The following CHD1L variants were observed in gnomAD, a reference collection of about 807,000 sequenced individuals.
The protein encoded by CHD1L is ATP-dependent chromatin remodeler CHD1L.
CHD1L carries 118 observed loss-of-function variants against 115.9 expected under a neutral mutation model. The observed-to-expected ratio is 1.02, with a 90% CI of 0.88 to 1.19. The LOEUF (loss-of-function observed/expected upper bound fraction) is 1.19, where lower values mean the gene tolerates loss of function less well. Ranked by LOEUF, CHD1L falls within the 50% of genes most tolerant of loss-of-function variation. CHD1L has a pLI of 0.00. For synonymous variants in CHD1L, 411 were observed against 387.1 expected, an observed-to-expected ratio of 1.06 and a Z score of -0.72; for missense variants, 1,179 against 1,065.3, an observed-to-expected ratio of 1.11 and a Z score of -1.49.
the CHD1L span, among the ~76,000 whole-genome samples, chr1:147,228,138 TC>T: frequency 6.6e-6 from 1 of 152,090 alleles, no homozygotes; most frequent in Admixed American, 6.5e-5. Context: ...TAGGTATATC[TC>T]CTAATGCTAT....
intron 12 of CHD1L, among the ~76,000 whole-genome samples, chr1:147,272,693 T>C (rs1177843413): frequency 6.6e-6 from 1 of 152,186 alleles, no homozygotes; most frequent in Non-Finnish European, 1.5e-5. Flanking sequence ...GCTGAAAAGC[T>C]TAACAAAAAT....
the CHD1L span, chr1:147,213,378 A>T: frequency 1.2e-6 from 2 of 1,613,816 alleles, no homozygotes; most frequent in South Asian, 1.1e-5. Flanking sequence ...CATCAAAGAC[A>T]TTCATCTCCT....
the CHD1L span, among the ~76,000 whole-genome samples, chr1:147,194,787 G>A: frequency 6.6e-6 from 1 of 151,930 alleles, no homozygotes; most frequent in African/African-American, 2.4e-5. Flanking sequence ...GGCTGGATAT[G>A]AAATTCTGGG....
the CHD1L span, chr1:147,215,841 A>G: frequency 6.2e-7 from 1 of 1,613,810 alleles, no homozygotes; most frequent in Non-Finnish European, 8.5e-7. Flanking sequence ...TGAAGTTGGG[A>G]TAATGATCTG....
intron 18 of CHD1L, 111 bp from the exon 19 acceptor site, chr1:147,287,524 T>C (rs1683666976): frequency 1.4e-6 from 1 of 699,222 alleles, no homozygotes; most frequent in Non-Finnish European, 2.4e-6. Flanking sequence ...TTTTGTTTCT[T>C]CCCTTTGAAA....
the CHD1L span, chr1:147,216,010 C>A: frequency 7.9e-6 from 10 of 1,273,176 alleles, no homozygotes; most frequent in Non-Finnish European, 1.1e-5. Context: ...AGCCAATAGA[C>A]ATCTGAAAAA....
chr1:147,256,711 T>G, intron 5 of CHD1L, 149 bp downstream of exon 5: 1 of 689,502 alleles, frequency 1.5e-6, no homozygotes, highest in Non-Finnish European at 2.5e-6. Flanking sequence ...GTGGGAGTCC[T>G]GTGTTTACAG....
chr1:147,278,983 G>A (rs1325884641), intron 14 of CHD1L, among the ~76,000 whole-genome samples: 3 of 152,156 alleles, frequency 2.0e-5, no homozygotes, highest in African/African-American at 7.2e-5. Flanking sequence ...GTGAGCATAA[G>A]TACAAGGGGG....
intron 9 of CHD1L, among the ~76,000 whole-genome samples, chr1:147,268,396 A>G (rs1366277291): frequency 2.0e-5 from 3 of 152,208 alleles, no homozygotes; most frequent in African/African-American, 4.8e-5. Context: ...AAGATTGCAC[A>G]AAATCTCAAG....
At chr1:147,284,275 T>G in intron 15 of CHD1L, 76 bp from the exon 16 acceptor site, 1 of 1,210,946 alleles carries the variant, frequency 8.3e-7, no homozygotes, top group Non-Finnish European at 1.1e-6. Context: ...TGTCCACTTT[T>G]GTTATTGATT....
chr1:147,238,558 T>C (rs587774307), upstream of CHD1L, among the ~76,000 whole-genome samples: 9 of 152,320 alleles, frequency 5.9e-5, no homozygotes, highest in East Asian at 1.5e-3. Flanking sequence ...AACAGCATGA[T>C]TGTATAACCT....
At chr1:147,177,367 A>G in the CHD1L span, among the ~76,000 whole-genome samples, 1 of 152,240 alleles carries the variant, frequency 6.6e-6, no homozygotes. Flanking sequence ...TGATACAAGT[A>G]AATGATTGAA....
At chr1:147,188,901 C>T in the CHD1L span, among the ~76,000 whole-genome samples, 1 of 151,880 alleles carries the variant, frequency 6.6e-6, no homozygotes, top group Non-Finnish European at 1.5e-5. Flanking sequence ...GAAAGCACTG[C>T]AAGAAGGAAG....
At chr1:147,288,322 C>CATTAAAAAAAA (rs1452486110) in intron 19 of CHD1L, among the ~76,000 whole-genome samples, 13 of 87,896 alleles carry the variant, frequency 1.5e-4, no homozygotes, top group South Asian at 3.5e-4. Context: ...GACCCTGTTT[C>CATTAAAAAAAA]AATAAAAAAA....
At chr1:147,176,706 T>C in the CHD1L span, among the ~76,000 whole-genome samples, 1 of 152,288 alleles carries the variant, frequency 6.6e-6, no homozygotes. Context: ...CTCAACATCT[T>C]CATTAACTAT....
intron 12 of CHD1L, chr1:147,272,544 C>T (rs1553954184): frequency 3.5e-6 from 1 of 283,800 alleles, no homozygotes; most frequent in African/African-American, 2.2e-5. Flanking sequence ...TGGGAATGTC[C>T]TGAAAGATTT....
Position 147,264,599 on chromosome 1 carries a change from T to C in CHD1L, c.739+15T>C, listed in dbSNP as rs782031993. 8.7e-6 allele frequency: 14 copies of C among 1,610,834 alleles called. No individual in the cohort carries two copies. The highest frequency in any genetic ancestry group is 5.1e-6 in the Non-Finnish European group (6 of 1,178,676). ...ATCTGAGTCAGGCAAGTTCCTTTCC[T>C]GCAAATCATCCCCAAGAAGCCTTGG... On this transcript the variant is annotated intron_variant, in intron 7 of 22. Transcript: ENST00000369258.
the CHD1L span, among the ~76,000 whole-genome samples, chr1:147,220,115 G>C: frequency 6.6e-6 from 1 of 152,134 alleles, no homozygotes; most frequent in Non-Finnish European, 1.5e-5. Context: ...TGGGATTACA[G>C]GCATGAGCCA....
At chr1:147,212,583 A>C in the CHD1L span, 1 of 1,533,102 alleles carries the variant, frequency 6.5e-7, no homozygotes, top group Non-Finnish European at 8.9e-7. Context: ...TACATGATAG[A>C]TATCATTTGT....
Sources: gnomAD v4.1 joint callset for allele counts (sites outside exome capture counted in the v4.1 genomes callset) on GRCh38, gnomAD v4.1.1 for gene constraint, MANE v1.5 for transcripts, NCBI Gene and HGNC (gene_info 2026-07-23, HGNC 2026-07-21) for gene names.